Variants in PTPRG observed in about 807,000 individuals in gnomAD.
The protein encoded by PTPRG is receptor-type tyrosine-protein phosphatase gamma.
In PTPRG, 102 loss-of-function variants were observed where a neutral mutation model predicts 165.3. The observed-to-expected ratio is 0.62, with a 90% CI of 0.53 to 0.73. The LOEUF (loss-of-function observed/expected upper bound fraction) is 0.73, where lower values mean the gene tolerates loss of function less well. PTPRG is among the 30% of genes least tolerant of loss of function. The pLI, the probability that PTPRG is intolerant of heterozygous loss-of-function variation, is 0.00. For missense variants in PTPRG, 1,866 were observed against 1,861.4 expected (o/e 1.00, Z -0.05); for synonymous variants, 675 against 669.5 (o/e 1.01, Z -0.13).
intron 4 of PTPRG, among the ~76,000 whole-genome samples, chr3:62,061,160 T>G (rs1348984763): frequency 6.6e-6 from 1 of 152,236 alleles, no homozygotes; most frequent in Non-Finnish European, 1.5e-5. Flanking sequence ...ATTAAGCTTT[T>G]GTCCTGGAGT....
At chr3:61,739,383 C>G (rs1228607847) in intron 1 of PTPRG, among the ~76,000 whole-genome samples, 1 of 152,090 alleles carries the variant, frequency 6.6e-6, no homozygotes, top group East Asian at 1.9e-4. Flanking sequence ...CAACTTCTTT[C>G]TTTTGGAATT....
chr3:62,105,875 G>A (rs919107634), intron 5 of PTPRG, among the ~76,000 whole-genome samples: 11 of 152,122 alleles, frequency 7.2e-5, no homozygotes, highest in African/African-American at 2.4e-4. Flanking sequence ...CTTAATAAGC[G>A]TTTAATGAAC....
rs139243503 is a variant in PTPRG, at chr3:61,860,387, C to T, written c.190+111405C>T. ...GAGAAAAAAAATACATGACTTTTCT[C>T]CCCAGGCATAGAAGGATAATAGCTG... On this transcript the variant is annotated intron_variant, in intron 2 of 29. Transcript: ENST00000474889. Among the ~76,000 whole-genome samples, 194 of 151,472 alleles carry T rather than the reference C, an allele frequency of 1.3e-3. 4 individuals carry two copies. The East Asian group carries it at 0.033, about 26-fold the overall frequency.
At chr3:62,231,134 T>G in intron 13 of PTPRG, 91 bp from the exon 14 acceptor site, 1 of 948,026 alleles carries the variant, frequency 1.1e-6, no homozygotes, top group Non-Finnish European at 1.5e-6. Context: ...CTGTGTTAGA[T>G]GGGAGGGGAG....
At position 62,203,827 on chromosome 3, in the gene PTPRG, C is replaced by T. The variant is rs1400052895; in HGVS notation, c.2032C>T (p.Pro678Ser). The T allele has an allele frequency of 1.2e-5, 20 of 1,613,964 alleles. No individual in the cohort carries two copies. Among genetic ancestry groups the T allele is most frequent in the Non-Finnish European group, 1.4e-5 (16 of 1,180,022 alleles). ...CATGGTCACCTCCACCCAAGTGCCC[C>T]CCACCGCCACAGAGGAGCAGTATGC... The part of the protein sequence containing the change: ...PDMVTSTQVP[P>S]TATEEQYAGS... The change falls in exon 12 of 30, where the codon CCC becomes TCC. Residue 678 changes from proline (P) to serine (S), a missense_variant. Physicochemically the swap from Pro to Ser is moderately conservative, Grantham distance 74 (BLOSUM62 -1). Around this residue, in one of 3 missense-constraint regions of PTPRG, gnomAD observed 1,452 missense variants for 1,463.0 expected, o/e 0.99. Coordinates refer to ENST00000474889, the MANE Select transcript of PTPRG (RefSeq NM_002841.4). This position sits in a 1 kb window ranked among gnomAD's most constrained non-coding sequence, Gnocchi z 6.4.
chr3:61,964,215 G>A (rs535065771), intron 2 of PTPRG, among the ~76,000 whole-genome samples: 198 of 152,360 alleles, frequency 1.3e-3, no homozygotes, highest in African/African-American at 4.2e-3. Flanking sequence ...ATTTTACTCT[G>A]TAATCACTAA....
intron 2 of PTPRG, among the ~76,000 whole-genome samples, chr3:61,855,441 T>A (rs910455898): frequency 2.0e-5 from 3 of 152,092 alleles, no homozygotes; most frequent in African/African-American, 7.2e-5. Flanking sequence ...CTTGCCCAAG[T>A]CTGGTGGTTT....
At position 62,210,112 on chromosome 3, in the gene PTPRG, T is replaced by C; in HGVS notation, c.2155+6162T>C. On this transcript the variant is annotated intron_variant, in intron 12 of 29. Coordinates refer to ENST00000474889, the MANE Select transcript of PTPRG (RefSeq NM_002841.4). This position sits in a 1 kb window ranked among gnomAD's most constrained non-coding sequence, Gnocchi z 4.1. ...GATGACAGACCATCATTTTGATTGTTTGAGTCTGGTGAATTAAGCTCTGCA... is the reference window on the plus strand; with the variant it reads ...GATGACAGACCATCATTTTGATTGTCTGAGTCTGGTGAATTAAGCTCTGCA... 6.6e-6 allele frequency among the ~76,000 whole-genome samples: 1 copy of C among 152,218 alleles called. No homozygotes were observed.
intron 2 of PTPRG, among the ~76,000 whole-genome samples, chr3:61,812,907 A>C (rs112487834): frequency 2.0e-5 from 3 of 152,356 alleles, no homozygotes; most frequent in African/African-American, 7.2e-5. Flanking sequence ...GTTCATCTAA[A>C]TGTGCATAAC....
At chr3:62,045,871 C>T (rs2107811375) in intron 4 of PTPRG, among the ~76,000 whole-genome samples, 1 of 152,336 alleles carries the variant, frequency 6.6e-6, no homozygotes, top group South Asian at 2.1e-4. Context: ...GTTATCTTTG[C>T]ATGGGCAAAG....
chr3:61,932,761 G>T (rs933365704), intron 2 of PTPRG, among the ~76,000 whole-genome samples: 1 of 152,070 alleles, frequency 6.6e-6, no homozygotes, highest in Non-Finnish European at 1.5e-5. Flanking sequence ...CCAAAATCTT[G>T]GTCAGAAACA....
chr3:62,049,601 G>A (rs986114670), intron 4 of PTPRG, among the ~76,000 whole-genome samples: 3 of 152,174 alleles, frequency 2.0e-5, no homozygotes, highest in African/African-American at 7.2e-5. Context: ...TAGATAAGTC[G>A]CAAAAGATGC....
At chr3:62,193,565 C>G (rs531774884) in intron 9 of PTPRG, among the ~76,000 whole-genome samples, 5 of 152,310 alleles carry the variant, frequency 3.3e-5, no homozygotes, top group African/African-American at 1.2e-4. Flanking sequence ...TAATACATAT[C>G]ATTTGAGCAG....
intron 8 of PTPRG, among the ~76,000 whole-genome samples, chr3:62,169,618 G>A (rs1442853547): frequency 1.3e-5 from 2 of 152,090 alleles, no homozygotes; most frequent in Non-Finnish European, 2.9e-5. Flanking sequence ...GGGGAGCAAG[G>A]CTGATCAAAG....
chr3:61,575,037 A>C (rs1195342408), intron 1 of PTPRG, among the ~76,000 whole-genome samples: 2 of 152,204 alleles, frequency 1.3e-5, no homozygotes, highest in Non-Finnish European at 2.9e-5. Flanking sequence ...TTGAGGATCA[A>C]ATTTCAACAA....
chr3:61,585,370 A>G (rs1700409872), intron 1 of PTPRG, among the ~76,000 whole-genome samples: 1 of 152,130 alleles, frequency 6.6e-6, no homozygotes, highest in African/African-American at 2.4e-5. Flanking sequence ...TCTTCTGTAA[A>G]TCATCTGTAA....
chr3:61,977,860 G>A (rs2040544799), intron 2 of PTPRG, among the ~76,000 whole-genome samples: 1 of 152,276 alleles, frequency 6.6e-6, no homozygotes, highest in East Asian at 1.9e-4. Flanking sequence ...AACACAAATG[G>A]TGTAACATAA....
intron 6 of PTPRG, 91 bp from the exon 7 acceptor site, chr3:62,156,976 G>A (rs1704559900): frequency 6.0e-6 from 7 of 1,160,194 alleles, no homozygotes; most frequent in Non-Finnish European, 7.6e-6. Flanking sequence ...TTGCGATGTG[G>A]CACCAGCATG....
chr3:61,785,826 A>G (rs1409309339), intron 2 of PTPRG, among the ~76,000 whole-genome samples: 1 of 152,178 alleles, frequency 6.6e-6, no homozygotes, highest in African/African-American at 2.4e-5. Context: ...ATGATAATAC[A>G]CTAATGAACA....
Sources: gnomAD v4.1 joint callset for allele counts (sites outside exome capture counted in the v4.1 genomes callset) on GRCh38, gnomAD v4.1.1 for gene constraint, gnomAD v4.1.1 regional missense constraint, Gnocchi (gnomAD v3.1) non-coding constraint, MANE v1.5 for transcripts, NCBI Gene and HGNC (gene_info 2026-07-23, HGNC 2026-07-21) for gene names.